Variants in LTBP1 observed in about 807,000 individuals in gnomAD.
LTBP1 encodes the protein latent-transforming growth factor beta-binding protein 1.
LTBP1 carries 129 observed loss-of-function variants against 207.6 expected under a neutral mutation model. That is an observed-to-expected ratio of 0.62 (90% CI 0.54 to 0.72). The LOEUF (loss-of-function observed/expected upper bound fraction) is 0.72, where lower values mean the gene tolerates loss of function less well. Among genes scored for constraint, LTBP1 ranks in the 30% least tolerant of loss-of-function variants. The pLI, the probability that LTBP1 is intolerant of heterozygous loss-of-function variation, is 0.00. For missense variants in LTBP1, 2,281 were observed against 2,217.2 expected (o/e 1.03, Z -0.58); for synonymous variants, 963 against 833.7 (o/e 1.16, Z -2.67).
At chr2:33,098,468 C>G (rs557094752) in intron 3 of LTBP1, among the ~76,000 whole-genome samples, 1 of 152,246 alleles carries the variant, frequency 6.6e-6, no homozygotes, top group Admixed American at 6.5e-5. Flanking sequence ...GAGTCTCACT[C>G]TGTTGCCCAG....
At chr2:32,968,725 G>T (rs72789891) in intron 2 of LTBP1, among the ~76,000 whole-genome samples, 15,969 of 145,460 alleles carry the variant, frequency 0.11, 1,077 homozygotes, top group Middle Eastern at 0.16. Context: ...CTTTTTTCCT[G>T]CCTTTTTTTT....
chr2:33,051,776 C>A (rs987522576), intron 3 of LTBP1, among the ~76,000 whole-genome samples: 14 of 152,150 alleles, frequency 9.2e-5, no homozygotes, highest in African/African-American at 3.4e-4. Flanking sequence ...TCATTCAAAG[C>A]CACTTTATGT....
intron 2 of LTBP1, among the ~76,000 whole-genome samples, chr2:32,998,886 G>A (rs1685689804): frequency 6.6e-6 from 1 of 152,228 alleles, no homozygotes; most frequent in African/African-American, 2.4e-5. Context: ...GTAAATTTCT[G>A]TTATTAGCCA....
chr2:33,370,489 T>A (rs991883031), intron 31 of LTBP1, among the ~76,000 whole-genome samples: 3 of 152,204 alleles, frequency 2.0e-5, no homozygotes, highest in Non-Finnish European at 2.9e-5. Flanking sequence ...CCCAAGCTGC[T>A]GCTGCTGCTG....
intron 15 of LTBP1, among the ~76,000 whole-genome samples, chr2:33,267,038 C>T (rs115107518): frequency 5.8e-4 from 89 of 152,338 alleles, no homozygotes; most frequent in African/African-American, 1.8e-3. Context: ...CTGGCATCTC[C>T]GAGCTTTCGG....
intron 32 of LTBP1, among the ~76,000 whole-genome samples, chr2:33,393,352 T>C (rs1367175863): frequency 2.0e-5 from 3 of 151,738 alleles, no homozygotes; most frequent in African/African-American, 7.3e-5. Context: ...GCAGTTTTGT[T>C]ACATATGTAT....
intron 3 of LTBP1, among the ~76,000 whole-genome samples, chr2:33,057,184 T>C (rs1393066660): frequency 6.6e-6 from 1 of 151,536 alleles, no homozygotes; most frequent in Non-Finnish European, 1.5e-5. Flanking sequence ...CCCACCAGAT[T>C]AGCTAGATAC....
At chr2:33,167,806 A>G (rs2085062008) in intron 5 of LTBP1, among the ~76,000 whole-genome samples, 1 of 152,230 alleles carries the variant, frequency 6.6e-6, no homozygotes. Context: ...GCAGAGAGAG[A>G]TGAGACTGGA....
At chr2:33,012,990 T>A (rs927278219) in intron 2 of LTBP1, among the ~76,000 whole-genome samples, 2 of 152,228 alleles carry the variant, frequency 1.3e-5, no homozygotes, top group Non-Finnish European at 2.9e-5. Flanking sequence ...AGTATCACTT[T>A]ATAGTTCTAA....
rs570461783 is a variant in LTBP1, at chr2:33,347,483, G to A, written c.3973G>A (p.Gly1325Arg). 3.1e-6 allele frequency: 5 copies of A among 1,614,060 alleles called. No individual in the cohort carries two copies. The highest frequency in any genetic ancestry group is 4.2e-6 in the Non-Finnish European group (5 of 1,180,050). ...AAACCAAGAGTACAGCCCCATGACTGGGCAGTGCCGCTCCCGGACCTCCAC... is the reference window on the plus strand; with the variant it reads ...AAACCAAGAGTACAGCCCCATGACTAGGCAGTGCCGCTCCCGGACCTCCAC... The part of the protein sequence containing the change: ...DENQEYSPMT[G>R]QCRSRTSTDL... The change falls in exon 26 of 34, where the codon GGG (glycine) becomes AGG (arginine). Residue 1325 changes from glycine (G) to arginine (R), a missense_variant. Physicochemically the swap from Gly to Arg is moderately radical, Grantham distance 125. Transcript: ENST00000404816.
intron 5 of LTBP1, among the ~76,000 whole-genome samples, chr2:33,184,150 C>T (rs1251348436): frequency 6.6e-6 from 1 of 152,156 alleles, no homozygotes. Flanking sequence ...ATAATAGTTT[C>T]CTCACTGACT....
chr2:33,086,523 C>T (rs750676091), intron 3 of LTBP1, among the ~76,000 whole-genome samples: 8 of 152,112 alleles, frequency 5.3e-5, no homozygotes, highest in Non-Finnish European at 8.8e-5. Flanking sequence ...GTGGTTATGG[C>T]GACATACATG....
At chr2:33,213,520 G>A (rs2090463480) in intron 7 of LTBP1, among the ~76,000 whole-genome samples, 1 of 152,306 alleles carries the variant, frequency 6.6e-6, no homozygotes, top group East Asian at 1.9e-4. Context: ...TATTCCATGT[G>A]ATTCTCTTCA....
At chr2:33,006,751 C>G (rs577921364) in intron 2 of LTBP1, among the ~76,000 whole-genome samples, 1 of 138,344 alleles carries the variant, frequency 7.2e-6, no homozygotes, top group African/African-American at 2.6e-5. Context: ...TTGCTTGTTC[C>G]TTTCAGCTAT....
chr2:32,996,915 C>T (rs55989624), intron 2 of LTBP1, among the ~76,000 whole-genome samples: 39,384 of 151,882 alleles, frequency 0.26, 5,744 homozygotes, highest in East Asian at 0.67. Context: ...GACAGAGTCT[C>T]GCTCTGTCGC....
At position 33,252,855 on chromosome 2, in the gene LTBP1, C is replaced by G; in HGVS notation, c.2167+11C>G. On this transcript the variant is annotated intron_variant, in intron 11 of 33. Transcript: ENST00000404816. ...CCCTTCCAGGCACAGGTAAGACATG[C>G]CCAGCTGTATGCGCACATAGATTCC... The G allele has an allele frequency of 6.3e-7, 1 of 1,587,118 alleles. No homozygotes were observed. The highest frequency in any genetic ancestry group is 1.1e-5 in the South Asian group (1 of 87,972).
chr2:33,026,978 A>G (rs181485431), intron 3 of LTBP1, among the ~76,000 whole-genome samples: 11 of 152,256 alleles, frequency 7.2e-5, no homozygotes, highest in East Asian at 1.9e-4. Context: ...TTAACTTCCA[A>G]TGCCAGAGAT....
chr2:33,137,066 G>A (rs1161939189), intron 5 of LTBP1, among the ~76,000 whole-genome samples: 2 of 152,094 alleles, frequency 1.3e-5, no homozygotes, highest in Non-Finnish European at 2.9e-5. Context: ...GATAGTTTGA[G>A]GGACAATTTT....
chr2:33,170,961 C>G (rs1167425865), intron 5 of LTBP1, among the ~76,000 whole-genome samples: 3 of 151,926 alleles, frequency 2.0e-5, no homozygotes, highest in East Asian at 1.9e-4. Context: ...CTGTCTGCTA[C>G]AAGGAAAACT....
Sources: allele counts gnomAD v4.1 joint callset (sites outside exome capture counted in the v4.1 genomes callset), GRCh38; gene constraint gnomAD v4.1.1; transcripts MANE v1.5; gene names NCBI Gene and HGNC (gene_info 2026-07-23, HGNC 2026-07-21).